PCDH15: variants seen among roughly 807,000 people sequenced by gnomAD.
PCDH15 encodes the protein protocadherin related 15, also known as protocadherin-15.
PCDH15 carries 129 observed loss-of-function variants against 178.5 expected under a neutral mutation model. The observed-to-expected ratio is 0.72, with a 90% confidence interval of 0.63 to 0.84. The LOEUF (loss-of-function observed/expected upper bound fraction) is 0.84. Ranked by LOEUF, PCDH15 falls within the 40% of genes least tolerant of loss-of-function variation. PCDH15 has a pLI of 0.00. For synonymous variants in PCDH15, 800 were observed against 732.0 expected, an observed-to-expected ratio of 1.09 and a Z score of -1.50; for missense variants, 2,230 against 2,099.9, an observed-to-expected ratio of 1.06 and a Z score of -1.21.
At chr10:55,489,696 TCTTCTATTTTTCTGCCA>T (rs1394689590) in intron 2 of PCDH15, among the ~76,000 whole-genome samples, 2 of 151,798 alleles carry the variant, frequency 1.3e-5, no homozygotes, top group Admixed American at 1.3e-4. Flanking sequence ...AAACACATGG[TCTTCTATTTTTCTGCCA>T]CCTCTAAAGC....
At chr10:55,114,920 C>A (rs1837594139) in intron 2 of PCDH15, among the ~76,000 whole-genome samples, 1 of 152,088 alleles carries the variant, frequency 6.6e-6, no homozygotes, top group African/African-American at 2.4e-5. Context: ...AAATAGATGG[C>A]TAGATATTCA....
chr10:54,822,087 A>T (rs1030110921), intron 3 of PCDH15, among the ~76,000 whole-genome samples: 1 of 152,182 alleles, frequency 6.6e-6, no homozygotes, highest in Admixed American at 6.6e-5. Context: ...TAATGCAAGC[A>T]TACAATGTGC....
chr10:54,231,577 T>C (rs2054077818), intron 9 of PCDH15, among the ~76,000 whole-genome samples: 2 of 152,128 alleles, frequency 1.3e-5, no homozygotes, highest in South Asian at 2.1e-4. Context: ...GACCCCAGAA[T>C]GGTAGATCCA....
rs563718338 is a variant in PCDH15, at chr10:54,314,307, T to A, written c.876+2964A>T. Among the ~76,000 whole-genome samples the A allele has an allele frequency of 2.0e-5, 3 of 152,264 alleles. No homozygotes were observed. In the South Asian group the frequency reaches 6.2e-4, roughly 32 times the overall value. ...AATGAAACAAAAATGCACATTTTAA[T>A]ACCAGCCCAATATACTTGATCCTTA... On this transcript the variant is annotated intron_variant, in intron 8 of 37. Coordinates refer to ENST00000644397, the MANE Select transcript of PCDH15 (RefSeq NM_001384140.1).
chr10:55,294,390 A>G (rs1276263385), intron 1 of PCDH15, among the ~76,000 whole-genome samples: 1 of 152,116 alleles, frequency 6.6e-6, no homozygotes, highest in African/African-American at 2.4e-5. Context: ...AAAATGTCAG[A>G]ATTAGTGGTT....
chr10:55,553,254 G>C (rs552934162), intron 2 of PCDH15, among the ~76,000 whole-genome samples: 1 of 150,114 alleles, frequency 6.7e-6, no homozygotes, highest in East Asian at 2.0e-4. Context: ...ATTTTGTGTG[G>C]TTCACCTCTG....
chr10:54,536,338 A>G (rs2084516765), intron 2 of PCDH15, among the ~76,000 whole-genome samples: 1 of 152,048 alleles, frequency 6.6e-6, no homozygotes, highest in Non-Finnish European at 1.5e-5. Context: ...CCAAGTGAGC[A>G]AATCACTTAA....
intron 7 of PCDH15, among the ~76,000 whole-genome samples, chr10:54,321,448 G>GCAGATAT (rs2061599948): frequency 6.6e-6 from 1 of 151,014 alleles, no homozygotes; most frequent in Non-Finnish European, 1.5e-5. Context: ...TGTGATACAT[G>GCAGATAT]AATGTAGCAT....
At position 53,806,199 on chromosome 10, in the gene PCDH15, AAAATT is replaced by A. The variant is rs1479427008; in HGVS notation, c.*375_*379del. 10 of 177,214 alleles carry A rather than the reference AAAATT, an allele frequency of 5.6e-5. No homozygotes were observed. The East Asian group carries it at 1.6e-3, about 28-fold the overall frequency. 11.0% of individuals were successfully genotyped at this position (177,214 alleles called of 1,614,324 possible). On this transcript the variant is annotated 3_prime_UTR_variant, in exon 38 of 38. Coordinates refer to ENST00000644397, the MANE Select transcript of PCDH15 (RefSeq NM_001384140.1). Reference sequence around the variant, plus strand: ...TTTTGCCCTTTTGGCTATGGAAAATAAAATTACATGTACTAAAAATGTTTTGTGGA... The same window carrying A: ...TTTTGCCCTTTTGGCTATGGAAAATAACATGTACTAAAAATGTTTTGTGGA...
At chr10:54,318,338 C>T (rs2061402528) in intron 7 of PCDH15, among the ~76,000 whole-genome samples, 2 of 152,174 alleles carry the variant, frequency 1.3e-5, no homozygotes, top group African/African-American at 4.8e-5. Flanking sequence ...GATTCCCCCA[C>T]ACCCAAGTCC....
chr10:54,398,023 ATTATC>A (rs1951463118), intron 3 of PCDH15, among the ~76,000 whole-genome samples: 2 of 151,928 alleles, frequency 1.3e-5, no homozygotes, highest in East Asian at 3.9e-4. Context: ...TATTACTTCA[ATTATC>A]TTATTCATTG....
chr10:54,921,295 C>A (rs557540650), intron 2 of PCDH15, among the ~76,000 whole-genome samples: 3 of 151,778 alleles, frequency 2.0e-5, no homozygotes, highest in Non-Finnish European at 4.4e-5. Flanking sequence ...TATACCCTCA[C>A]GAACTTTTAT....
intron 14 of PCDH15, 100 bp from the exon 15 acceptor site, chr10:54,133,107 A>G (rs2133063555): frequency 6.7e-7 from 1 of 1,495,790 alleles, no homozygotes; most frequent in Admixed American, 1.8e-5. Context: ...AGGAGAAAAA[A>G]TTTCCAAATT....
chr10:55,261,868 A>G (rs997033578), intron 1 of PCDH15, among the ~76,000 whole-genome samples: 2 of 152,162 alleles, frequency 1.3e-5, no homozygotes, highest in Non-Finnish European at 2.9e-5. Context: ...TCAATGATTA[A>G]AAGCCAATTG....
At chr10:54,641,888 CTT>C (rs1353635552) in intron 2 of PCDH15, among the ~76,000 whole-genome samples, 6 of 151,754 alleles carry the variant, frequency 4.0e-5, no homozygotes, top group Non-Finnish European at 8.8e-5. Context: ...GCTTTAAAAA[CTT>C]TAATGGTTTC....
intron 4 of PCDH15, among the ~76,000 whole-genome samples, chr10:54,376,451 TATC>T (rs1327650304): frequency 6.6e-6 from 1 of 150,806 alleles, no homozygotes; most frequent in African/African-American, 2.4e-5. Context: ...CATATATGAA[TATC>T]ATAGTATTAA....
At chr10:54,331,330 T>C (rs1034823318) in intron 6 of PCDH15, among the ~76,000 whole-genome samples, 3 of 151,932 alleles carry the variant, frequency 2.0e-5, no homozygotes, top group African/African-American at 7.2e-5. Flanking sequence ...ACTGTACATT[T>C]TGCAGAATTA....
At chr10:54,273,669 T>C (rs1732586542) in intron 8 of PCDH15, among the ~76,000 whole-genome samples, 1 of 152,114 alleles carries the variant, frequency 6.6e-6, no homozygotes, top group Non-Finnish European at 1.5e-5. Context: ...TCCAAAAGTA[T>C]AGACTTCAAA....
chr10:55,477,162 G>T (rs1840078991), intron 2 of PCDH15, among the ~76,000 whole-genome samples: 1 of 151,826 alleles, frequency 6.6e-6, no homozygotes, highest in African/African-American at 2.4e-5. Context: ...CTAAACATAA[G>T]AATATAATCA....
Sources: allele counts gnomAD v4.1 joint callset (sites outside exome capture counted in the v4.1 genomes callset), GRCh38; gene constraint gnomAD v4.1.1; transcripts MANE v1.5; gene names NCBI Gene and HGNC (gene_info 2026-07-23, HGNC 2026-07-21).